PTPRD: variants seen among roughly 807,000 people sequenced by gnomAD.
The protein encoded by PTPRD is receptor-type tyrosine-protein phosphatase delta.
Under a neutral mutation model 214.5 loss-of-function variants are expected in PTPRD, and 34 were observed. The ratio of observed to expected loss-of-function variants is 0.16; its 90% CI spans 0.12 to 0.21. PTPRD has a LOEUF of 0.21. Ranked by LOEUF, PTPRD falls within the 10% of genes least tolerant of loss-of-function variation. PTPRD has a pLI of 1.00. For missense variants in PTPRD, 2,545 were observed against 2,398.7 expected (o/e 1.06, Z -1.27); for synonymous variants, 1,128 against 845.7 (o/e 1.33, Z -5.79).
intron 14 of PTPRD, among the ~76,000 whole-genome samples, chr9:8,604,912 T>C (rs891426443): frequency 6.6e-6 from 1 of 152,182 alleles, no homozygotes; most frequent in African/African-American, 2.4e-5. Flanking sequence ...TAGGTGCAAA[T>C]ATCCAGTGAG....
chr9:9,305,102 C>A (rs1333155410), intron 9 of PTPRD, among the ~76,000 whole-genome samples: 1 of 151,202 alleles, frequency 6.6e-6, no homozygotes, highest in Non-Finnish European at 1.5e-5. Context: ...GGAAAATCAA[C>A]TTGCTTCTCA....
chr9:9,996,379 C>A (rs2096122960), intron 4 of PTPRD, among the ~76,000 whole-genome samples: 1 of 152,094 alleles, frequency 6.6e-6, no homozygotes, highest in African/African-American at 2.4e-5. Flanking sequence ...AAGATAAGCT[C>A]TCAGTATGGG....
intron 10 of PTPRD, among the ~76,000 whole-genome samples, chr9:9,025,025 G>A (rs940080342): frequency 6.6e-6 from 1 of 151,876 alleles, no homozygotes; most frequent in Non-Finnish European, 1.5e-5. Context: ...TTGAATCAAT[G>A]TTGCATTCAG....
intron 37 of PTPRD, among the ~76,000 whole-genome samples, chr9:8,386,052 T>C (rs1339795475): frequency 2.0e-5 from 3 of 152,218 alleles, no homozygotes; most frequent in Non-Finnish European, 2.9e-5. Flanking sequence ...CCAACTTCTT[T>C]ACCAAACAAT....
At chr9:9,088,581 GAAAAAAAAAA>G (rs533619970) in intron 10 of PTPRD, among the ~76,000 whole-genome samples, 804 of 33,036 alleles carry the variant, frequency 0.024, 15 homozygotes, top group African/African-American at 0.072. Flanking sequence ...CTTAGTCTCA[GAAAAAAAAAA>G]AAAAAAAAAA....
At chr9:10,495,427 T>C (rs1485317419) in intron 2 of PTPRD, among the ~76,000 whole-genome samples, 1 of 151,840 alleles carries the variant, frequency 6.6e-6, no homozygotes, top group Non-Finnish European at 1.5e-5. Flanking sequence ...CAGCTGATGG[T>C]GATAGTATTT....
chr9:8,341,951 G>C lies in PTPRD; in HGVS notation c.4689C>G (p.Phe1563Leu), dbSNP rs2132526736. 1 of 1,612,100 alleles carries C rather than the reference G, an allele frequency of 6.2e-7. No individual in the cohort carries two copies. Reference protein sequence around the residue: ...CSAGVGRTGCFIVIDAMLERI... With the variant: ...CSAGVGRTGCLIVIDAMLERI... ...TTTCTAACATGGCATCTATGACGATGAAGCAACCAGTCCGGCCAACTCCCG... is the reference window on the plus strand; with the variant it reads ...TTTCTAACATGGCATCTATGACGATCAAGCAACCAGTCCGGCCAACTCCCG... Residue 1563 changes from phenylalanine to leucine, a missense_variant, in exon 40 of 46, where the codon TTC becomes TTG. Coordinates refer to ENST00000381196, the MANE Select transcript of PTPRD (RefSeq NM_002839.4).
chr9:8,616,407 T>C (rs914641970), intron 14 of PTPRD, among the ~76,000 whole-genome samples: 2 of 152,126 alleles, frequency 1.3e-5, no homozygotes, highest in Admixed American at 6.6e-5. Context: ...CACCTTGCTT[T>C]ACAAGTTTGA....
intron 8 of PTPRD, among the ~76,000 whole-genome samples, chr9:9,423,135 T>A (rs759667982): frequency 2.0e-5 from 3 of 152,112 alleles, no homozygotes; most frequent in Non-Finnish European, 2.9e-5. Context: ...GAAGATAGAG[T>A]GAATCTTCTC....
At chr9:9,222,699 T>C (rs1489012621) in intron 9 of PTPRD, among the ~76,000 whole-genome samples, 1 of 152,026 alleles carries the variant, frequency 6.6e-6, no homozygotes, top group Non-Finnish European at 1.5e-5. Flanking sequence ...CTATTATCAG[T>C]CTTCAAACTA....
intron 44 of PTPRD, among the ~76,000 whole-genome samples, chr9:8,321,487 G>GTGTATA (rs1168847469): frequency 3.4e-3 from 151 of 44,462 alleles, no homozygotes; most frequent in Non-Finnish European, 4.2e-3. Flanking sequence ...GTGTGTGTGT[G>GTGTATA]TATATATATA....
intron 3 of PTPRD, among the ~76,000 whole-genome samples, chr9:10,330,432 G>C (rs2154434025): frequency 6.6e-6 from 1 of 151,858 alleles, no homozygotes; most frequent in South Asian, 2.1e-4. Flanking sequence ...GATAATGTAG[G>C]AATCTTCTAT....
intron 7 of PTPRD, among the ~76,000 whole-genome samples, chr9:9,682,005 C>T (rs563908505): frequency 7.9e-5 from 12 of 151,814 alleles, no homozygotes; most frequent in Non-Finnish European, 1.5e-4. Flanking sequence ...TCATCATTAC[C>T]CACTCTCTTT....
chr9:9,732,442 A>G (rs556723221), intron 7 of PTPRD, among the ~76,000 whole-genome samples: 6 of 152,180 alleles, frequency 3.9e-5, no homozygotes, highest in Non-Finnish European at 8.8e-5. Context: ...TAGAAGATAG[A>G]AGACCACCCA....
chr9:9,492,339 A>C (rs1240166327), intron 8 of PTPRD, among the ~76,000 whole-genome samples: 1 of 151,786 alleles, frequency 6.6e-6, no homozygotes, highest in Non-Finnish European at 1.5e-5. Context: ...AAAAAAAAAA[A>C]AAACTAACAT....
rs140615184 is a variant in PTPRD, at chr9:10,320,250, C to A, written c.-545+20713G>T. Among the ~76,000 whole-genome samples, 41 of 152,102 alleles carry A rather than the reference C, an allele frequency of 2.7e-4. 2 individuals carry two copies. In the East Asian group the frequency reaches 8.0e-3, roughly 30 times the overall value. ...AGAACCTAGCAATTGAGCAGTTCTG[C>A]ACTTAATATTGATAAATAATGTCTC... On this transcript the variant is annotated intron_variant, in intron 3 of 45. Transcript: ENST00000381196.
chr9:10,413,672 C>A (rs1364901946), intron 2 of PTPRD, among the ~76,000 whole-genome samples: 3 of 151,932 alleles, frequency 2.0e-5, no homozygotes, highest in Non-Finnish European at 2.9e-5. Context: ...GCAAAAAGAA[C>A]AAAGCTGGAG....
At chr9:8,513,722 T>C (rs62534045) in intron 21 of PTPRD, among the ~76,000 whole-genome samples, 20,476 of 152,024 alleles carry the variant, frequency 0.13, 1,558 homozygotes, top group East Asian at 0.18. Context: ...TTACTCCTTT[T>C]TCTTAAGGAG....
chr9:10,062,757 C>T (rs2097797232), intron 3 of PTPRD, among the ~76,000 whole-genome samples: 1 of 151,780 alleles, frequency 6.6e-6, no homozygotes, highest in Non-Finnish European at 1.5e-5. Flanking sequence ...TTTTTTTCCC[C>T]TGAAAATCTA....
Sources: allele counts gnomAD v4.1 joint callset (sites outside exome capture counted in the v4.1 genomes callset), GRCh38; gene constraint gnomAD v4.1.1; transcripts MANE v1.5; gene names NCBI Gene and HGNC (gene_info 2026-07-23, HGNC 2026-07-21).